Variants in GARNL3 observed in about 807,000 individuals in gnomAD.
The protein encoded by GARNL3 is GTPase activating Rap/RanGAP domain like 3, also known as GTPase-activating Rap/Ran-GAP domain-like protein 3.
In GARNL3, 63 loss-of-function variants were observed where a neutral mutation model predicts 125.0. The observed-to-expected ratio is 0.50, with a 90% CI of 0.41 to 0.62. The LOEUF is 0.62. Ranked by LOEUF, GARNL3 falls within the 20% of genes least tolerant of loss-of-function variation. The pLI, the probability that GARNL3 is intolerant of heterozygous loss-of-function variation, is 0.00. For missense variants in GARNL3, 994 were observed against 1,244.0 expected, an observed-to-expected ratio of 0.80 and a Z score of 3.02; for synonymous variants, 439 against 457.5, an observed-to-expected ratio of 0.96 and a Z score of 0.52.
chr9:127,352,239 G>A (rs1245991830), intron 17 of GARNL3, among the ~76,000 whole-genome samples: 1 of 152,198 alleles, frequency 6.6e-6, no homozygotes, highest in Non-Finnish European at 1.5e-5. Context: ...CCTCAGACAA[G>A]TATTAACACC....
intron 1 of GARNL3, among the ~76,000 whole-genome samples, chr9:127,241,999 G>A (rs1282330198): frequency 1.3e-5 from 2 of 151,898 alleles, no homozygotes; most frequent in African/African-American, 4.8e-5. Flanking sequence ...GCAGCCTTGG[G>A]TCTAACTGGC....
rs1317793647 is a variant in GARNL3 at position 127,385,001 on chromosome 9, G to A, written c.2270-26G>A. 1 of 1,465,618 alleles carries A rather than the reference G, an allele frequency of 6.8e-7. No homozygotes were observed. The allele number at this position is 1,465,618 out of a possible 1,614,324, so 90.8% of individuals were successfully genotyped here. On this transcript the variant is annotated intron_variant, in intron 23 of 27. Transcript: ENST00000373387. The surrounding 1 kb of genome is among the most constrained non-coding windows in gnomAD (Gnocchi z 4.1). ...TCGCGGCCACCAAGCCAGCAGCTGG[G>A]AGGTGACACTCCCGTTCCCTTGCAG...
intron 4 of GARNL3, 72 bp downstream of exon 4, chr9:127,313,631 C>A: frequency 2.0e-6 from 2 of 1,010,482 alleles, no homozygotes; most frequent in Non-Finnish European, 3.2e-6. Flanking sequence ...TGCTGTGGAA[C>A]TGTGTGCCAG....
At chr9:127,378,073 C>T (rs1003408488) in intron 22 of GARNL3, among the ~76,000 whole-genome samples, 1 of 151,606 alleles carries the variant, frequency 6.6e-6, no homozygotes, top group Non-Finnish European at 1.5e-5. Flanking sequence ...AACCCAGTCT[C>T]TACTAAAAAT....
At chr9:127,333,175 A>C (rs563425348) in intron 9 of GARNL3, 54 bp downstream of exon 9, 2 of 1,411,682 alleles carry the variant, frequency 1.4e-6, no homozygotes, top group South Asian at 1.2e-5. Flanking sequence ...TTTGTAAGTC[A>C]GCCTGACCCG....
chr9:127,341,556 G>A (rs980406525), intron 13 of GARNL3, among the ~76,000 whole-genome samples: 1 of 152,246 alleles, frequency 6.6e-6, no homozygotes, highest in Non-Finnish European at 1.5e-5. Context: ...AACAGAGTCA[G>A]CAACAGAGTG....
chr9:127,236,477 G>T (rs1289201327), intron 1 of GARNL3, among the ~76,000 whole-genome samples: 1 of 152,172 alleles, frequency 6.6e-6, no homozygotes, highest in Non-Finnish European at 1.5e-5. Flanking sequence ...TAGACCTATT[G>T]TCTCTAGACC....
intron 2 of GARNL3, among the ~76,000 whole-genome samples, chr9:127,258,469 A>G (rs535192038): frequency 1.3e-5 from 2 of 152,078 alleles, no homozygotes; most frequent in East Asian, 1.9e-4. Flanking sequence ...GCAAAATCCT[A>G]TCTCTACAAA....
At chr9:127,299,307 C>CA (rs774997294) in intron 2 of GARNL3, among the ~76,000 whole-genome samples, 1,538 of 22,410 alleles carry the variant, frequency 0.069, 26 homozygotes, top group South Asian at 0.14. Flanking sequence ...GACTCCGTCT[C>CA]AAAAAAAAAA....
chr9:127,362,051 G>C (rs1191799971), intron 21 of GARNL3: 1 of 151,692 alleles, frequency 6.6e-6, no homozygotes, highest in African/African-American at 2.4e-5. Flanking sequence ...TGTCTTGGAA[G>C]GGGCTCTTCA....
At chr9:127,350,383 T>G (rs183764607) in intron 17 of GARNL3, among the ~76,000 whole-genome samples, 9 of 152,280 alleles carry the variant, frequency 5.9e-5, no homozygotes, top group Non-Finnish European at 1.2e-4. Context: ...CTAAATAAAG[T>G]TATCTGTATT....
chr9:127,301,559 C>T (rs990187264), intron 2 of GARNL3, among the ~76,000 whole-genome samples: 1 of 152,138 alleles, frequency 6.6e-6, no homozygotes, highest in Non-Finnish European at 1.5e-5. Flanking sequence ...TTCCTTATAC[C>T]ATCTGAGCTT....
At chr9:127,307,086 T>A (rs2064978436) in intron 2 of GARNL3, among the ~76,000 whole-genome samples, 1 of 152,180 alleles carries the variant, frequency 6.6e-6, no homozygotes, top group Admixed American at 6.5e-5. Context: ...ATTCTATAGT[T>A]TTTTTGCATA....
chr9:127,238,827 C>T (rs1399463560), intron 1 of GARNL3, among the ~76,000 whole-genome samples: 4 of 152,110 alleles, frequency 2.6e-5, no homozygotes, highest in Admixed American at 6.5e-5. Flanking sequence ...GTCCTGTGCT[C>T]GGTAGTCTTG....
rs1478983742 is a variant in GARNL3 at position 127,319,637 on chromosome 9, C to T, written c.504-1078C>T. ...CAGTTCTAAAGCCTGAGTTAAGCCTCTCCACCAAGAGGCTAACATTTTTGC... is the reference window on the plus strand; with the variant it reads ...CAGTTCTAAAGCCTGAGTTAAGCCTTTCCACCAAGAGGCTAACATTTTTGC... On this transcript the variant is annotated intron_variant, in intron 5 of 27. Coordinates refer to ENST00000373387, the MANE Select transcript of GARNL3 (RefSeq NM_032293.5). 2.6e-5 allele frequency among the ~76,000 whole-genome samples: 4 copies of T among 152,184 alleles called. 1 individual carries two copies. Among genetic ancestry groups the T allele is most frequent in the East Asian group, 3.8e-4 (2 of 5,202 alleles).
In GARNL3 at chr9:127,387,211, G is replaced by A; in HGVS notation, c.2407G>A (p.Ala803Thr). ...TTTCTAGTCGGATATATACTTCACA[G>A]CAACTGCAGCTGTGAATGAGGTCTC... ...VASRSDIYFTATAAVNEVSSG... is the reference protein window; with the variant it reads ...VASRSDIYFTTTAAVNEVSSG... The change falls in exon 25 of 28, where the codon GCA (alanine) becomes ACA (threonine). Residue 803 changes from alanine (A) to threonine (T), a missense_variant. This residue lies in a region of GARNL3 where 728 missense variants were observed against 865.7 expected (regional missense o/e 0.84). Transcript: ENST00000373387. 1 of 1,613,536 alleles carries A rather than the reference G, an allele frequency of 6.2e-7. No individual in the cohort carries two copies. The highest frequency in any genetic ancestry group is 8.5e-7 in the Non-Finnish European group (1 of 1,179,816).
chr9:127,274,154 A>T (rs548532106), intron 1 of GARNL3, among the ~76,000 whole-genome samples: 2 of 152,338 alleles, frequency 1.3e-5, no homozygotes, highest in African/African-American at 4.8e-5. Context: ...GACAGGTAGA[A>T]TAACTTTGAT....
chr9:127,338,629 G>T (rs1460153403), intron 12 of GARNL3, among the ~76,000 whole-genome samples: 1 of 151,698 alleles, frequency 6.6e-6, no homozygotes, highest in Admixed American at 6.6e-5. Flanking sequence ...TAGAGTGAAG[G>T]TAATGACACT....
At chr9:127,371,019 C>T (rs1462779102) in intron 22 of GARNL3, among the ~76,000 whole-genome samples, 2 of 152,216 alleles carry the variant, frequency 1.3e-5, no homozygotes, top group Non-Finnish European at 2.9e-5. Context: ...ACATGTGCTC[C>T]TCCTCTGATG....
Sources: allele counts gnomAD v4.1 joint callset (sites outside exome capture counted in the v4.1 genomes callset), GRCh38; gene constraint gnomAD v4.1.1; regional missense constraint gnomAD v4.1.1; non-coding constraint Gnocchi (gnomAD v3.1); transcripts MANE v1.5; gene names NCBI Gene and HGNC (gene_info 2026-07-23, HGNC 2026-07-21).